The following ASXL2 variants were observed in gnomAD, a reference collection of about 807,000 sequenced individuals.
ASXL2 encodes the protein ASXL transcriptional regulator 2.
A neutral mutation model predicts 122.0 loss-of-function variants in ASXL2; 23 were observed. That is an observed-to-expected ratio of 0.19 (90% CI 0.14 to 0.27). ASXL2 has a LOEUF of 0.27. Among genes scored for constraint, ASXL2 ranks in the 10% least tolerant of loss-of-function variants. ASXL2 has a pLI of 1.00. For synonymous variants in ASXL2, 650 were observed against 637.0 expected (o/e 1.02, Z -0.31); for missense variants, 1,518 against 1,713.8 (o/e 0.89, Z 2.02).
intron 1 of ASXL2, among the ~76,000 whole-genome samples, chr2:25,860,124 C>G (rs1019671827): frequency 2.0e-5 from 3 of 151,578 alleles, no homozygotes; most frequent in Middle Eastern, 6.9e-3. Context: ...GAGTACTGAC[C>G]AACATGGAGA....
At chr2:25,784,451 G>T (rs1389639925) in intron 5 of ASXL2, among the ~76,000 whole-genome samples, 1 of 152,182 alleles carries the variant, frequency 6.6e-6, no homozygotes, top group Non-Finnish European at 1.5e-5. Flanking sequence ...GTATAATGAA[G>T]AATGAACTTT....
intron 1 of ASXL2, among the ~76,000 whole-genome samples, chr2:25,874,066 G>A (rs2089990398): frequency 1.3e-5 from 2 of 152,132 alleles, no homozygotes; most frequent in South Asian, 4.1e-4. Flanking sequence ...AATGCAGGCA[G>A]GGTGCAGTGG....
At chr2:25,877,916 G>A (rs1274787763) in intron 1 of ASXL2, among the ~76,000 whole-genome samples, 2 of 152,158 alleles carry the variant, frequency 1.3e-5, no homozygotes, top group Non-Finnish European at 2.9e-5. Flanking sequence ...GACCCCAAAA[G>A]ACAGCCTCAA....
At chr2:25,848,960 C>CGCTT (rs2089683267) in intron 1 of ASXL2, among the ~76,000 whole-genome samples, 1 of 148,886 alleles carries the variant, frequency 6.7e-6, no homozygotes, top group East Asian at 2.0e-4. Flanking sequence ...GCAGGAAAAC[C>CGCTT]GCTTGGACCA....
intron 10 of ASXL2, among the ~76,000 whole-genome samples, chr2:25,755,388 C>T (rs1363643568): frequency 6.6e-6 from 1 of 152,136 alleles, no homozygotes; most frequent in African/African-American, 2.4e-5. Context: ...ATATGCAGTG[C>T]CCACACACAA....
chr2:25,809,044 C>G (rs996619601), intron 3 of ASXL2, among the ~76,000 whole-genome samples: 2 of 152,190 alleles, frequency 1.3e-5, no homozygotes, highest in African/African-American at 4.8e-5. Flanking sequence ...TTCAAGATTT[C>G]TCTGATACAA....
chr2:25,743,310 C>T lies in ASXL2; in HGVS notation c.3027G>A (p.Glu1009=), dbSNP rs766103801. The change falls in exon 13 of 13, where the codon GAG becomes GAA. Residue 1009 remains glutamate (E), a synonymous_variant. Transcript: ENST00000435504. ...TENSTREEVN[E]RQSHPATQQQ... is the part of the protein sequence containing the mutation. ...GCTGCGTAGCTGGATGGGACTGTCT[C>T]TCATTAACTTCCTCTCTGGTGCTAT... is the stretch of plus-strand genomic sequence containing the variant. 5.6e-6 allele frequency: 9 copies of T among 1,613,954 alleles called. No individual in the cohort carries two copies. The South Asian group carries it at 7.7e-5, about 14-fold the overall frequency.
rs745426209 is a variant in ASXL2 at position 25,878,134 on chromosome 2, C to T, written c.57+32G>A. 3 of 1,613,264 alleles carry T rather than the reference C, an allele frequency of 1.9e-6. No individual in the cohort carries two copies. The South Asian group carries it at 3.3e-5, about 18-fold the overall frequency. On this transcript the variant is annotated intron_variant, in intron 1 of 12. Coordinates refer to ENST00000435504, the MANE Select transcript of ASXL2 (RefSeq NM_018263.6). ...GCGGGCGACAAGGGAACAAAATCCTCCCGGCCTTCCCCTTCGCTCCCTCCC... is the reference window on the plus strand; with the variant it reads ...GCGGGCGACAAGGGAACAAAATCCTTCCGGCCTTCCCCTTCGCTCCCTCCC...
intron 5 of ASXL2, among the ~76,000 whole-genome samples, chr2:25,797,030 T>C (rs552454903): frequency 5.3e-5 from 8 of 152,262 alleles, no homozygotes; most frequent in African/African-American, 1.7e-4. Flanking sequence ...AGGGGTTTTA[T>C]GATGACTTTT....
At chr2:25,771,827 A>G (rs2088461920) in intron 5 of ASXL2, among the ~76,000 whole-genome samples, 1 of 152,252 alleles carries the variant, frequency 6.6e-6, no homozygotes, top group African/African-American at 2.4e-5. Context: ...ATCAAATCAG[A>G]TAAAACTTAG....
intron 1 of ASXL2, among the ~76,000 whole-genome samples, chr2:25,849,452 C>CAA (rs34833277): frequency 0.09 from 6,358 of 70,360 alleles, 388 homozygotes; most frequent in African/African-American, 0.19. Context: ...GACTCTGACT[C>CAA]AAAAAAAAAA....
intron 2 of ASXL2, among the ~76,000 whole-genome samples, chr2:25,837,140 T>A (rs2089521462): frequency 6.6e-6 from 1 of 151,228 alleles, no homozygotes; most frequent in Admixed American, 6.6e-5. Context: ...AAGGAAGGCA[T>A]TAAGTCCGAC....
At chr2:25,810,084 G>A (rs1211356132) in intron 3 of ASXL2, 1 of 551,860 alleles carries the variant, frequency 1.8e-6, no homozygotes, top group African/African-American at 1.9e-5. Context: ...ACCTCCTTGA[G>A]TTTATCAGTA....
At chr2:25,812,474 C>T (rs1476312284) in intron 3 of ASXL2, among the ~76,000 whole-genome samples, 3 of 151,984 alleles carry the variant, frequency 2.0e-5, no homozygotes, top group Admixed American at 1.3e-4. Flanking sequence ...ATAACAACAA[C>T]AATAACAAAA....
intron 12 of ASXL2, among the ~76,000 whole-genome samples, chr2:25,745,768 C>T (rs1189374589): frequency 1.3e-5 from 2 of 150,930 alleles, no homozygotes; most frequent in Non-Finnish European, 3.0e-5. Context: ...CTCAGCCTCC[C>T]GAGTAGCTGG....
chr2:25,765,162 T>G (rs1267875893), intron 8 of ASXL2, among the ~76,000 whole-genome samples: 1 of 152,196 alleles, frequency 6.6e-6, no homozygotes, highest in East Asian at 1.9e-4. Context: ...CATTTATGTT[T>G]TACACAACTT....
At chr2:25,768,059 T>C (rs981194877) in intron 7 of ASXL2, among the ~76,000 whole-genome samples, 3 of 151,966 alleles carry the variant, frequency 2.0e-5, no homozygotes, top group Non-Finnish European at 4.4e-5. Context: ...AAGTTTAGAG[T>C]AGAAACAAAC....
chr2:25,840,075 A>T (rs1461105617), intron 2 of ASXL2, among the ~76,000 whole-genome samples: 3 of 151,986 alleles, frequency 2.0e-5, no homozygotes, highest in Non-Finnish European at 4.4e-5. Flanking sequence ...AAAACAACAT[A>T]ATGGAATACA....
intron 4 of ASXL2, among the ~76,000 whole-genome samples, chr2:25,801,755 T>C (rs1333315857): frequency 1.3e-5 from 2 of 152,188 alleles, no homozygotes; most frequent in Non-Finnish European, 2.9e-5. Context: ...TTTGTCTCCA[T>C]CTCTTTTACT....
Sources: allele counts gnomAD v4.1 joint callset (sites outside exome capture counted in the v4.1 genomes callset), GRCh38; gene constraint gnomAD v4.1.1; transcripts MANE v1.5; gene names NCBI Gene and HGNC (gene_info 2026-07-23, HGNC 2026-07-21).